The following SMOC1 variants were observed in gnomAD, a reference collection of about 807,000 sequenced individuals.
The protein encoded by SMOC1 is SPARC-related modular calcium-binding protein 1.
Under a neutral mutation model 56.3 loss-of-function variants are expected in SMOC1, and 22 were observed. The ratio of observed to expected loss-of-function variants is 0.39; its 90% CI spans 0.28 to 0.56. The LOEUF (loss-of-function observed/expected upper bound fraction) is 0.56. SMOC1 is among the 20% of genes least tolerant of loss of function. SMOC1 has a pLI of 0.61. For synonymous variants in SMOC1, 193 were observed against 215.0 expected (o/e 0.90, Z 0.89); for missense variants, 509 against 565.4 (o/e 0.90, Z 1.01).
At chr14:69,989,087 G>A (rs1219101123) in intron 5 of SMOC1, among the ~76,000 whole-genome samples, 1 of 152,156 alleles carries the variant, frequency 6.6e-6, no homozygotes, top group Non-Finnish European at 1.5e-5. Flanking sequence ...AAAAGTTGAT[G>A]TTTAGCTTTT....
chr14:69,910,575 C>T (rs544275212), intron 1 of SMOC1, among the ~76,000 whole-genome samples: 3 of 148,522 alleles, frequency 2.0e-5, no homozygotes, highest in African/African-American at 7.4e-5. Context: ...TGGAGAGTGG[C>T]TTAAATGATT....
intron 1 of SMOC1, among the ~76,000 whole-genome samples, chr14:69,937,906 C>T (rs528966439): frequency 9.0e-4 from 137 of 152,328 alleles, no homozygotes; most frequent in African/African-American, 3.2e-3. Context: ...ACAGCCCCAA[C>T]AGAATTCGAT....
intron 1 of SMOC1, among the ~76,000 whole-genome samples, chr14:69,930,807 G>C (rs1885146939): frequency 6.6e-6 from 1 of 152,192 alleles, no homozygotes; most frequent in East Asian, 1.9e-4. Flanking sequence ...GGGAATGCAG[G>C]GGGTGACCTG....
intron 3 of SMOC1, among the ~76,000 whole-genome samples, chr14:69,958,452 G>A (rs1883265024): frequency 6.6e-6 from 1 of 152,184 alleles, no homozygotes; most frequent in South Asian, 2.1e-4. Flanking sequence ...TCTGAATGAT[G>A]TTATCTTCTT....
intron 1 of SMOC1, among the ~76,000 whole-genome samples, chr14:69,934,486 A>G (rs1450635299): frequency 6.6e-6 from 1 of 152,222 alleles, no homozygotes; most frequent in Non-Finnish European, 1.5e-5. Flanking sequence ...GCAATCTCCA[A>G]TCTAGCCAGA....
At chr14:69,916,851 G>T (rs1400597895) in intron 1 of SMOC1, among the ~76,000 whole-genome samples, 2 of 152,044 alleles carry the variant, frequency 1.3e-5, no homozygotes, top group Non-Finnish European at 1.5e-5. Flanking sequence ...AGATTATCAC[G>T]TACTTGTCAG....
rs227405 is a variant in SMOC1 at position 70,022,963 on chromosome 14, T to G, written c.1047-240T>G. On this transcript the variant is annotated intron_variant, in intron 10 of 11. Transcript: ENST00000361956. ...ATTTCTGGCTTTGGTAGAGGGTGAGTCATGTTTGTGTAATAAGGATTACCC... is the reference window on the plus strand; with the variant it reads ...ATTTCTGGCTTTGGTAGAGGGTGAGGCATGTTTGTGTAATAAGGATTACCC... Among the ~76,000 whole-genome samples the G allele has an allele frequency of 0.71, 108,455 of 152,160 alleles. 39,733 individuals are homozygous for G. Among genetic ancestry groups the G allele is most frequent in the African/African-American group, 0.87 (36,186 of 41,526 alleles).
intron 5 of SMOC1, among the ~76,000 whole-genome samples, chr14:69,990,099 C>A (rs1183313503): frequency 6.6e-6 from 1 of 152,224 alleles, no homozygotes; most frequent in Non-Finnish European, 1.5e-5. Flanking sequence ...TGGCTTTATG[C>A]CTCATGGGCT....
intron 1 of SMOC1, among the ~76,000 whole-genome samples, chr14:69,899,261 C>T (rs192773754): frequency 2.6e-4 from 40 of 152,282 alleles, no homozygotes; most frequent in Middle Eastern, 6.8e-3. Flanking sequence ...TGTCTCTACC[C>T]GAGTTTCATG....
chr14:69,895,213 T>C (rs1351743719), intron 1 of SMOC1, among the ~76,000 whole-genome samples: 1 of 152,236 alleles, frequency 6.6e-6, no homozygotes, highest in South Asian at 2.1e-4. Flanking sequence ...TTCCCCGTCC[T>C]TGCCACCTGA....
At chr14:69,905,903 T>C (rs770252989) in intron 1 of SMOC1, among the ~76,000 whole-genome samples, 4 of 152,212 alleles carry the variant, frequency 2.6e-5, no homozygotes, top group Non-Finnish European at 5.9e-5. Context: ...TGAGACACCT[T>C]AAGAAATCTA....
In SMOC1 at chr14:69,978,912, T is replaced by C. The variant is rs113960453; in HGVS notation, c.526+947T>C. 6.9e-4 allele frequency among the ~76,000 whole-genome samples: 105 copies of C among 152,106 alleles called. 1 individual carries two copies. Among genetic ancestry groups the C allele is most frequent in the African/African-American group, 2.4e-3 (100 of 41,470 alleles). On this transcript the variant is annotated intron_variant, in intron 5 of 11. Coordinates refer to ENST00000361956, the MANE Select transcript of SMOC1 (RefSeq NM_001034852.3). Reference sequence around the variant, plus strand: ...CCATAGTTTTTAGCATGGAAGACAGTTGGAGGCTTAAGATTCACTGCCACT... The same window carrying C: ...CCATAGTTTTTAGCATGGAAGACAGCTGGAGGCTTAAGATTCACTGCCACT...
chr14:69,895,115 G>A (rs1450995738), intron 1 of SMOC1, among the ~76,000 whole-genome samples: 2 of 152,206 alleles, frequency 1.3e-5, no homozygotes, highest in African/African-American at 2.4e-5. Context: ...AATTTTTGTA[G>A]AGGATTGTGT....
chr14:69,879,600 G>A lies in SMOC1; in HGVS notation c.-79G>A, dbSNP rs1883573286. Reference sequence around the variant, plus strand: ...GCCGCCGCGAGGGCCCCGAGCGAAGGAAGGAAGGGAGGCGCGCTGTGCGCC... The same window carrying A: ...GCCGCCGCGAGGGCCCCGAGCGAAGAAAGGAAGGGAGGCGCGCTGTGCGCC... On this transcript the variant is annotated 5_prime_UTR_variant, in exon 1 of 12. Transcript: ENST00000361956. The A allele has an allele frequency of 8.5e-6, 10 of 1,170,094 alleles. No homozygotes were observed. In the Admixed American group the frequency reaches 2.0e-4, roughly 24 times the overall value. 72.5% of individuals were successfully genotyped at this position (1,170,094 alleles called of 1,614,324 possible).
chr14:69,896,339 AGCCACTTTCTAGCTCT>A (rs752336200), intron 1 of SMOC1, among the ~76,000 whole-genome samples: 47 of 152,164 alleles, frequency 3.1e-4, no homozygotes, highest in Non-Finnish European at 6.0e-4. Flanking sequence ...TTCTCAGAAA[AGCCACTTTCTAGCTCT>A]GCCACTTTCT....
At chr14:69,961,412 G>A (rs528034850) in intron 3 of SMOC1, among the ~76,000 whole-genome samples, 18 of 149,150 alleles carry the variant, frequency 1.2e-4, no homozygotes, top group African/African-American at 3.7e-4. Context: ...ATGGGGTCTC[G>A]CTCTGTTGCC....
chr14:69,980,749 G>A (rs1288287128), intron 5 of SMOC1, among the ~76,000 whole-genome samples: 1 of 152,196 alleles, frequency 6.6e-6, no homozygotes, highest in Non-Finnish European at 1.5e-5. Flanking sequence ...CTCATAGGAG[G>A]CATCTATTAC....
chr14:69,922,932 C>CTTT (rs536127994), intron 1 of SMOC1, among the ~76,000 whole-genome samples: 24 of 147,776 alleles, frequency 1.6e-4, no homozygotes, highest in African/African-American at 5.7e-4. Flanking sequence ...TCTCAGCCCT[C>CTTT]TTTTTTTTGT....
At position 69,953,542 on chromosome 14, in the gene SMOC1, C is replaced by T. The variant is rs375481570; in HGVS notation, c.378+10C>T. On this transcript the variant is annotated intron_variant, in intron 3 of 11. Coordinates refer to ENST00000361956, the MANE Select transcript of SMOC1 (RefSeq NM_001034852.3). Reference sequence around the variant, plus strand: ...TGGCTCCTTTACCCAGGTGAGGCCTCGGACAATCCTCTTGGGCTCTTTCCT... The same window carrying T: ...TGGCTCCTTTACCCAGGTGAGGCCTTGGACAATCCTCTTGGGCTCTTTCCT... 4.5e-5 allele frequency: 72 copies of T among 1,609,148 alleles called. No homozygotes were observed. Among genetic ancestry groups the T allele is most frequent in the South Asian group, 1.4e-4 (13 of 91,000 alleles).
Sources: gnomAD v4.1 joint callset for allele counts (sites outside exome capture counted in the v4.1 genomes callset) on GRCh38, gnomAD v4.1.1 for gene constraint, MANE v1.5 for transcripts, NCBI Gene and HGNC (gene_info 2026-07-23, HGNC 2026-07-21) for gene names.